Variants in DDR2 observed in about 807,000 individuals in gnomAD.
DDR2 encodes the protein discoidin domain-containing receptor 2.
A neutral mutation model predicts 94.9 loss-of-function variants in DDR2; 27 were observed. That is an observed-to-expected ratio of 0.28 (90% confidence interval 0.21 to 0.39). The LOEUF (loss-of-function observed/expected upper bound fraction) is 0.39. DDR2 is among the 10% of genes least tolerant of loss of function. The pLI is 1.00. For missense variants in DDR2, 783 were observed against 1,076.0 expected (o/e 0.73, Z 3.81); for synonymous variants, 382 against 377.2 (o/e 1.01, Z -0.15).
rs188149666 is a variant in DDR2, at chr1:162,784,422, G to A, written c.*4176G>A. The stretch of plus-strand genomic sequence containing the variant: ...CTTTTTAGTAAGACTTCTGTCCTCT[G>A]GCAGTGCATATGGTAGGTCTCTAAT... On this transcript the variant is annotated 3_prime_UTR_variant, in exon 18 of 18. Coordinates refer to ENST00000367921, the MANE Select transcript of DDR2 (RefSeq NM_006182.4). 0.049 allele frequency: 7,563 copies of A among 153,836 alleles called. 224 individuals are homozygous for A. Among genetic ancestry groups the A allele is most frequent in the Middle Eastern group, 0.074 (141 of 1,908 alleles). 9.5% of individuals were successfully genotyped at this position (153,836 alleles called of 1,614,324 possible).
At chr1:162,657,317 A>G (rs1053743772) in intron 2 of DDR2, among the ~76,000 whole-genome samples, 6 of 152,078 alleles carry the variant, frequency 3.9e-5, no homozygotes, top group African/African-American at 9.7e-5. Flanking sequence ...CTGGTCACCA[A>G]TTCAGGCTCA....
chr1:162,725,716 A>T (rs903137599), intron 3 of DDR2, among the ~76,000 whole-genome samples: 3 of 152,218 alleles, frequency 2.0e-5, no homozygotes, highest in Non-Finnish European at 4.4e-5. Context: ...AGACTCAAGG[A>T]ATGTCAGGGC....
chr1:162,715,895 T>G (rs1050990365), intron 2 of DDR2, among the ~76,000 whole-genome samples: 3 of 152,198 alleles, frequency 2.0e-5, no homozygotes, highest in African/African-American at 7.2e-5. Flanking sequence ...AAATAATTAT[T>G]GCTTTTGGAG....
chr1:162,755,799 G>A (rs751710144), intron 7 of DDR2, 30 bp downstream of exon 7: 85 of 1,552,120 alleles, frequency 5.5e-5, no homozygotes, highest in Non-Finnish European at 7.3e-5. Context: ...ATTAGAATGG[G>A]AAATTGGCCA....
intron 2 of DDR2, among the ~76,000 whole-genome samples, chr1:162,690,289 C>T (rs1377108638): frequency 6.6e-6 from 1 of 152,116 alleles, no homozygotes; most frequent in Non-Finnish European, 1.5e-5. Flanking sequence ...CGTAGAAACC[C>T]AGGCAGTCTG....
At chr1:162,742,710 T>C (rs1208467600) in intron 3 of DDR2, among the ~76,000 whole-genome samples, 1 of 151,566 alleles carries the variant, frequency 6.6e-6, no homozygotes, top group Non-Finnish European at 1.5e-5. Flanking sequence ...TATTAATCCA[T>C]TTTCATGCTG....
chr1:162,668,699 A>T (rs1425254992), intron 2 of DDR2, among the ~76,000 whole-genome samples: 2 of 152,188 alleles, frequency 1.3e-5, no homozygotes. Context: ...ATTGGGTGAC[A>T]TCCCAATCCA....
rs113812328 is a variant in DDR2 at position 162,710,764 on chromosome 1, G to GCACACA, written c.-27-8254_-27-8249dup. ...AAATGCAAGTGCCACACACAGTCAT[G>GCACACA]CACACACACACACACACACACACAA... On this transcript the variant is annotated intron_variant, in intron 2 of 17. Coordinates refer to ENST00000367921, the MANE Select transcript of DDR2 (RefSeq NM_006182.4). Among the ~76,000 whole-genome samples the GCACACA allele has an allele frequency of 5.8e-3, 861 of 148,104 alleles. 11 individuals are homozygous for GCACACA. Among genetic ancestry groups the GCACACA allele is most frequent in the East Asian group, 0.033 (167 of 5,014 alleles).
rs377038233 is a variant in DDR2 at position 162,656,323 on chromosome 1, G to A, written c.-28+949G>A. On this transcript the variant is annotated intron_variant, in intron 2 of 17. Coordinates refer to ENST00000367921, the MANE Select transcript of DDR2 (RefSeq NM_006182.4). ...ATGAGTGCTGAATGAATGAATGAGT[G>A]AGTAAATAATGTGAATGATTATTGG... Among the ~76,000 whole-genome samples, 3 of 152,316 alleles carry A rather than the reference G, an allele frequency of 2.0e-5. No homozygotes were observed. In the South Asian group the frequency reaches 6.2e-4, roughly 32 times the overall value.
chr1:162,775,959 C>A, intron 15 of DDR2, 116 bp downstream of exon 15: 1 of 1,448,396 alleles, frequency 6.9e-7, no homozygotes. Flanking sequence ...TGGGGGAAGT[C>A]AGTGTGCAGG....
chr1:162,721,946 A>G (rs1428368727), intron 3 of DDR2, among the ~76,000 whole-genome samples: 1 of 152,254 alleles, frequency 6.6e-6, no homozygotes, highest in Non-Finnish European at 1.5e-5. Flanking sequence ...ATTGTTGAAG[A>G]TCTTACAATG....
chr1:162,667,535 A>C (rs1658644196), intron 2 of DDR2, among the ~76,000 whole-genome samples: 1 of 152,216 alleles, frequency 6.6e-6, no homozygotes, highest in Non-Finnish European at 1.5e-5. Flanking sequence ...TAAATTGTAG[A>C]AAAGAACAAA....
intron 7 of DDR2, among the ~76,000 whole-genome samples, chr1:162,757,224 G>A (rs938939969): frequency 2.9e-4 from 44 of 152,288 alleles, no homozygotes; most frequent in African/African-American, 1.0e-3. Flanking sequence ...AAAGCATTTC[G>A]TAAGATAAAT....
chr1:162,696,358 AAGG>A (rs1440109773), intron 2 of DDR2, among the ~76,000 whole-genome samples: 1 of 152,070 alleles, frequency 6.6e-6, no homozygotes, highest in Non-Finnish European at 1.5e-5. Flanking sequence ...TGACCCTGGA[AAGG>A]AGGAGAGCAG....
chr1:162,763,295 C>T (rs952057355), intron 9 of DDR2, among the ~76,000 whole-genome samples: 1 of 149,678 alleles, frequency 6.7e-6, no homozygotes, highest in South Asian at 2.1e-4. Context: ...GCCTCAGCTT[C>T]CCAAATAGCT....
In DDR2 at chr1:162,741,260, AATG is replaced by A. The variant is rs1195680548; in HGVS notation, c.83-11834_83-11832del. ...AATATAATATAGTATAATGTAATGT[AATG>A]TAATATAATATAATATAATATAATA... On this transcript the variant is annotated intron_variant, in intron 3 of 17. Transcript: ENST00000367921. 3.1e-3 allele frequency among the ~76,000 whole-genome samples: 392 copies of A among 126,260 alleles called. 5 individuals carry two copies. The highest frequency in any genetic ancestry group is 7.6e-3 in the African/African-American group (228 of 30,040). The allele number at this position is 126,260 out of a possible 152,430, so 82.8% of individuals were successfully genotyped here.
intron 2 of DDR2, among the ~76,000 whole-genome samples, chr1:162,659,383 C>A (rs776809498): frequency 6.6e-6 from 1 of 152,150 alleles, no homozygotes; most frequent in Non-Finnish European, 1.5e-5. Flanking sequence ...AGATGTGGGT[C>A]ATTATCCTTG....
chr1:162,771,496 A>T (rs963957565), intron 12 of DDR2, among the ~76,000 whole-genome samples: 8 of 152,234 alleles, frequency 5.3e-5, no homozygotes, highest in African/African-American at 1.2e-4. Flanking sequence ...AGAATAAAGG[A>T]TATAAACTAA....
At chr1:162,668,185 T>C (rs1295310160) in intron 2 of DDR2, among the ~76,000 whole-genome samples, 1 of 152,194 alleles carries the variant, frequency 6.6e-6, no homozygotes, top group African/African-American at 2.4e-5. Flanking sequence ...TGACAGCCTG[T>C]GGGCCAGCAG....
Sources: allele counts gnomAD v4.1 joint callset (sites outside exome capture counted in the v4.1 genomes callset), GRCh38; gene constraint gnomAD v4.1.1; transcripts MANE v1.5; gene names NCBI Gene and HGNC (gene_info 2026-07-23, HGNC 2026-07-21).